SCAP: variants seen among roughly 807,000 people sequenced by gnomAD.
SCAP encodes the protein sterol regulatory element-binding protein cleavage-activating protein.
A neutral mutation model predicts 123.6 loss-of-function variants in SCAP; 65 were observed. The observed-to-expected ratio is 0.53, with a 90% CI of 0.43 to 0.65. The LOEUF is 0.65. SCAP is among the 30% of genes least tolerant of loss of function. The probability of loss-of-function intolerance (pLI) is 0.00; values close to 1 mark genes in which losing one functional copy is unlikely to be tolerated. For synonymous variants in SCAP, 740 were observed against 726.3 expected, an observed-to-expected ratio of 1.02 and a Z score of -0.30; for missense variants, 1,398 against 1,712.5, an observed-to-expected ratio of 0.82 and a Z score of 3.24.
At position 47,463,730 on chromosome 3, in the gene SCAP, A is replaced by G. The variant is rs1452150429; in HGVS notation, c.-99+12069T>C. ...AAAAAAAAAACTAAAATTAAAAATT[A>G]AAAGAAAACAGGGGCTTAGCCTTGT... On this transcript the variant is annotated intron_variant, in intron 1 of 22. Transcript: ENST00000265565. Among the ~76,000 whole-genome samples, 5 of 152,216 alleles carry G rather than the reference A, an allele frequency of 3.3e-5. No individual in the cohort carries two copies. In the East Asian group the frequency reaches 9.6e-4, roughly 29 times the overall value.
rs915360487 is a variant in SCAP, at chr3:47,446,423, C to T, written c.-98-3332G>A. Among the ~76,000 whole-genome samples, 15 of 151,928 alleles carry T rather than the reference C, an allele frequency of 9.9e-5. No homozygotes were observed. In the South Asian group the frequency reaches 1.5e-3, roughly 15 times the overall value. ...ACTGACCTCATGATCTGCCCTCCTT[C>T]GCCTCCCAAAGGGCTGGGATTACAG... On this transcript the variant is annotated intron_variant, in intron 1 of 22. Coordinates refer to ENST00000265565, the MANE Select transcript of SCAP (RefSeq NM_012235.4).
rs1708186574 is a variant in SCAP, at chr3:47,474,371, T to C, written c.-99+1428A>G. Among the ~76,000 whole-genome samples, 5 of 152,308 alleles carry C rather than the reference T, an allele frequency of 3.3e-5. No homozygotes were observed. In the South Asian group the frequency reaches 1.0e-3, roughly 32 times the overall value. ...CCATTTCAATTTATGACCAAAAGAA[T>C]AAATATGGAAATATATTTATACAGT... On this transcript the variant is annotated intron_variant, in intron 1 of 22. Transcript: ENST00000265565.
intron 6 of SCAP, among the ~76,000 whole-genome samples, 158 bp from the exon 7 acceptor site, chr3:47,426,327 G>A (rs1459932239): frequency 6.6e-6 from 1 of 152,208 alleles, no homozygotes; most frequent in African/African-American, 2.4e-5. Flanking sequence ...GTCTCCAGGG[G>A]CACTGGGAAA....
intron 18 of SCAP, 78 bp from the exon 19 acceptor site, chr3:47,415,258 T>A: frequency 7.5e-7 from 1 of 1,340,642 alleles, no homozygotes; most frequent in Non-Finnish European, 1.0e-6. Flanking sequence ...ACATGAGAGT[T>A]AAGGGCCAGT....
At chr3:47,417,866 A>AGGGGGGTGAGAGGGGGCAGGGGGGG in intron 16 of SCAP, 40 bp from the exon 17 acceptor site, 1 of 397,736 alleles carries the variant, frequency 2.5e-6, no homozygotes, top group Non-Finnish European at 3.9e-6. Flanking sequence ...GGCACGGGGG[A>AGGGGGGTGAGAGGGGGCAGGGGGGG]GGGGGGTGAG....
At chr3:47,416,354 G>A (rs1180565303) in intron 18 of SCAP, among the ~76,000 whole-genome samples, 3 of 152,226 alleles carry the variant, frequency 2.0e-5, no homozygotes, top group African/African-American at 7.2e-5. Flanking sequence ...TGCTGAGGAG[G>A]CCAAGCACGA....
intron 16 of SCAP, 60 bp downstream of exon 16, chr3:47,418,074 C>CG (rs148152356): frequency 8.6e-7 from 1 of 1,168,936 alleles, no homozygotes; most frequent in Non-Finnish European, 1.2e-6. Flanking sequence ...TACGTGGCGG[C>CG]GGGGGGTGGG....
chr3:47,414,876 T>C lies in SCAP; in HGVS notation c.3257A>G (p.Lys1086Arg), dbSNP rs1337148234. Residue 1086 changes from lysine (K) to arginine (R), a missense_variant, in exon 20 of 23, where the codon AAA becomes AGA. Transcript: ENST00000265565. The stretch of plus-strand genomic sequence containing the variant: ...AGTCACCAAGCGCCCAGCAGCGGCT[T>C]TCAGGGCTGTGATGGGTTTTTGGTG... ...CAHQKPITAL[K>R]AAAGRLVTGS... 2 of 1,612,372 alleles carry C rather than the reference T, an allele frequency of 1.2e-6. No homozygotes were observed. The highest frequency in any genetic ancestry group is 1.7e-5 in the Admixed American group (1 of 59,946).
At chr3:47,468,584 A>T (rs916783436) in intron 1 of SCAP, among the ~76,000 whole-genome samples, 11 of 152,038 alleles carry the variant, frequency 7.2e-5, no homozygotes, top group Admixed American at 6.6e-5. Flanking sequence ...TTTTCTTGTA[A>T]ATCTGTTTAA....
At chr3:47,435,427 G>A (rs1335118873) in intron 2 of SCAP, among the ~76,000 whole-genome samples, 1 of 147,892 alleles carries the variant, frequency 6.8e-6, no homozygotes, top group Non-Finnish European at 1.5e-5. Context: ...AATATACTTA[G>A]TTATAACATT....
intron 2 of SCAP, among the ~76,000 whole-genome samples, chr3:47,436,904 T>C (rs546045738): frequency 6.6e-6 from 1 of 152,334 alleles, no homozygotes; most frequent in South Asian, 2.1e-4. Context: ...AGAATCTCTA[T>C]CACCATAAAT....
In SCAP at chr3:47,420,232, G is replaced by A. The variant is rs1193393312; in HGVS notation, c.1563+322C>T. 6.6e-6 allele frequency among the ~76,000 whole-genome samples: 1 copy of A among 152,178 alleles called. No homozygotes were observed. The highest frequency in any genetic ancestry group is 2.4e-5 in the African/African-American group (1 of 41,450). ...ACACCATGCAGCGGCCGATGAACCC[G>A]ACCCAGGGCAATGTGGTGGCCACAA... On this transcript the variant is annotated intron_variant, in intron 12 of 22. Coordinates refer to ENST00000265565, the MANE Select transcript of SCAP (RefSeq NM_012235.4). This position sits in a 1 kb window ranked among gnomAD's most constrained non-coding sequence, Gnocchi z 5.0.
At chr3:47,447,479 G>A (rs1379975177) in intron 1 of SCAP, among the ~76,000 whole-genome samples, 4 of 152,096 alleles carry the variant, frequency 2.6e-5, no homozygotes, top group African/African-American at 9.7e-5. Context: ...TACAAGGTCA[G>A]AAGTTCAAGA....
intron 1 of SCAP, among the ~76,000 whole-genome samples, chr3:47,446,204 C>T (rs62248597): frequency 0.023 from 3,090 of 135,218 alleles, 43 homozygotes; most frequent in Non-Finnish European, 0.036. Flanking sequence ...GATGGAGTCT[C>T]GCTCTGTCGC....
intron 10 of SCAP, chr3:47,421,406 A>C (rs1705894481): frequency 4.6e-6 from 1 of 219,436 alleles, no homozygotes; most frequent in Non-Finnish European, 9.3e-6. Flanking sequence ...TGCATCACCA[A>C]CCCAGCTAGA....
rs1576256537 is a variant in SCAP at position 47,420,738 on chromosome 3, G to A, written c.1379C>T (p.Ala460Val). The change falls in exon 12 of 23, where the codon GCC (alanine) becomes GTC (valine). Residue 460 changes from alanine (A) to valine (V), a missense_variant. Around this residue, in one of 7 missense-constraint regions of SCAP, gnomAD observed 828 missense variants for 882.5 expected, o/e 0.94. Transcript: ENST00000265565. The surrounding 1 kb of genome is among the most constrained non-coding windows in gnomAD (Gnocchi z 5.0). ...ADLNKRLPPE[A>V]CLPSAKPVGQ... ...CACTGGCTTGGCTGAGGGCAGGCAG[G>A]CCTCAGGGGGCAGTCGCTTGTTCAG... 6.8e-6 allele frequency: 11 copies of A among 1,610,910 alleles called. No homozygotes were observed. The highest frequency in any genetic ancestry group is 8.5e-6 in the Non-Finnish European group (10 of 1,179,938).
rs1247872360 is a variant in SCAP, at chr3:47,451,476, C to T, written c.-98-8385G>A. ...GCAGTGGCACGATCATGGCTCACTG[C>T]AGCCTCCACCTCCCAGGCTCAATCA... On this transcript the variant is annotated intron_variant, in intron 1 of 22. Transcript: ENST00000265565. 1.5e-4 allele frequency among the ~76,000 whole-genome samples: 16 copies of T among 109,680 alleles called. 6 individuals carry two copies. The East Asian group carries it at 5.4e-3, about 37-fold the overall frequency. The allele number at this position is 109,680 out of a possible 152,430, so 72.0% of individuals were successfully genotyped here.
At position 47,419,581 on chromosome 3, in the gene SCAP, C is replaced by A; in HGVS notation, c.1687G>T (p.Val563Leu). The A allele has an allele frequency of 6.2e-7, 1 of 1,610,564 alleles. No individual in the cohort carries two copies. Among genetic ancestry groups the A allele is most frequent in the Non-Finnish European group, 8.5e-7 (1 of 1,177,878 alleles). Reference sequence around the variant, plus strand: ...CTGGGGGGCAGCATGCCACTAGGCACGGGCATGGGAGCCAGGGCTCCCTCA... The same window carrying A: ...CTGGGGGGCAGCATGCCACTAGGCAAGGGCATGGGAGCCAGGGCTCCCTCA... ...LGEGALAPMP[V>L]PSGMLPPSHP... The change falls in exon 13 of 23, where the codon GTG becomes TTG. Residue 563 changes from valine (V) to leucine (L), a missense_variant. Val to Leu is a conservative substitution (Grantham distance 32). Around this residue, in one of 7 missense-constraint regions of SCAP, gnomAD observed 828 missense variants for 882.5 expected, o/e 0.94. Transcript: ENST00000265565. This position sits in a 1 kb window ranked among gnomAD's most constrained non-coding sequence, Gnocchi z 5.0.
chr3:47,419,713 G>A lies in SCAP; in HGVS notation c.1564-9C>T, dbSNP rs959136758. On this transcript the variant is annotated splice_polypyrimidine_tract_variant and intron_variant, in intron 12 of 22. Coordinates refer to ENST00000265565, the MANE Select transcript of SCAP (RefSeq NM_012235.4). The surrounding 1 kb of genome is among the most constrained non-coding windows in gnomAD (Gnocchi z 5.0). ...CAGACAACGGTGCCAGCCTGCAGTGGGGCAGGGGGTACTCAGTGGGAGGAA... is the reference window on the plus strand; with the variant it reads ...CAGACAACGGTGCCAGCCTGCAGTGAGGCAGGGGGTACTCAGTGGGAGGAA... The A allele has an allele frequency of 2.0e-6, 3 of 1,516,198 alleles. No homozygotes were observed. The highest frequency in any genetic ancestry group is 4.4e-5 in the Admixed American group (2 of 45,036). 93.9% of individuals were successfully genotyped at this position (1,516,198 alleles called of 1,614,324 possible).
Sources: allele counts gnomAD v4.1 joint callset (sites outside exome capture counted in the v4.1 genomes callset), GRCh38; gene constraint gnomAD v4.1.1; regional missense constraint gnomAD v4.1.1; non-coding constraint Gnocchi (gnomAD v3.1); transcripts MANE v1.5; gene names NCBI Gene and HGNC (gene_info 2026-07-23, HGNC 2026-07-21).